Variants in EPHA6 observed in about 807,000 individuals in gnomAD.
EPHA6 encodes EPH receptor A6, also known as ephrin type-A receptor 6.
A neutral mutation model predicts 112.0 loss-of-function variants in EPHA6; 50 were observed. The observed-to-expected ratio is 0.45, with a 90% CI of 0.36 to 0.56. The LOEUF (loss-of-function observed/expected upper bound fraction) is 0.56. Among genes scored for constraint, EPHA6 ranks in the 20% least tolerant of loss-of-function variants. The probability of loss-of-function intolerance (pLI) is 0.00; values close to 1 mark genes in which losing one functional copy is unlikely to be tolerated. For missense variants in EPHA6, 1,280 were observed against 1,417.4 expected, an observed-to-expected ratio of 0.90 and a Z score of 1.56; for synonymous variants, 529 against 490.7, an observed-to-expected ratio of 1.08 and a Z score of -1.03.
Position 97,226,295 on chromosome 3 carries a change from T to C in EPHA6, c.1146T>C (p.Ala382=). The C allele has an allele frequency of 6.2e-7, 1 of 1,611,696 alleles. No homozygotes were observed. The highest frequency in any genetic ancestry group is 2.2e-5 in the East Asian group (1 of 44,840). ...ACRPGFYKAF[A]GNTKCSKCPP... is the part of the protein sequence containing the mutation. ...GACCAGGATTCTATAAAGCTTTTGC[T>C]GGGAACACAAAATGTTCTAAATGTC... The change falls in exon 4 of 18, where the codon GCT becomes GCC. Residue 382 remains alanine, a synonymous_variant. Transcript: ENST00000389672.
At chr3:97,722,849 A>T (rs2034592803) in intron 15 of EPHA6, among the ~76,000 whole-genome samples, 1 of 152,100 alleles carries the variant, frequency 6.6e-6, no homozygotes, top group Non-Finnish European at 1.5e-5. Context: ...GATACAAATA[A>T]ATATAAAAAG....
intron 3 of EPHA6, among the ~76,000 whole-genome samples, chr3:97,034,217 G>A (rs1418098429): frequency 1.3e-5 from 2 of 151,860 alleles, no homozygotes; most frequent in Non-Finnish European, 2.9e-5. Flanking sequence ...TGAAAATATA[G>A]TAATTTTTGG....
chr3:97,191,152 C>T (rs2077295124), intron 3 of EPHA6, among the ~76,000 whole-genome samples: 2 of 151,984 alleles, frequency 1.3e-5, no homozygotes, highest in African/African-American at 2.4e-5. Context: ...GACAAATAAA[C>T]CCTTCAGTGA....
At chr3:97,731,736 A>C (rs1333114853) in intron 15 of EPHA6, among the ~76,000 whole-genome samples, 2 of 152,108 alleles carry the variant, frequency 1.3e-5, no homozygotes, top group Non-Finnish European at 2.9e-5. Context: ...AGAACTTGAC[A>C]CATAATAAAC....
intron 2 of EPHA6, among the ~76,000 whole-genome samples, chr3:96,886,725 G>GT (rs1034841358): frequency 3.3e-5 from 5 of 151,948 alleles, no homozygotes; most frequent in South Asian, 2.1e-4. Context: ...GCTGTTTGCT[G>GT]TTTTTTTGTT....
At chr3:96,913,942 A>G (rs2039358623) in intron 2 of EPHA6, among the ~76,000 whole-genome samples, 1 of 152,168 alleles carries the variant, frequency 6.6e-6, no homozygotes. Context: ...GTGGTATGTG[A>G]CTAATAGATA....
intron 6 of EPHA6, among the ~76,000 whole-genome samples, chr3:97,425,383 C>T (rs1482152234): frequency 1.3e-5 from 2 of 152,226 alleles, no homozygotes; most frequent in African/African-American, 4.8e-5. Context: ...AACCTCTGTG[C>T]ACCTGCAGGC....
At chr3:97,088,279 G>C (rs1037791530) in intron 3 of EPHA6, among the ~76,000 whole-genome samples, 7 of 152,132 alleles carry the variant, frequency 4.6e-5, no homozygotes, top group Non-Finnish European at 5.9e-5. Flanking sequence ...CCCAGGAATT[G>C]AATGGAAGGG....
chr3:97,209,886 G>A (rs544381720), intron 3 of EPHA6, among the ~76,000 whole-genome samples: 7 of 152,252 alleles, frequency 4.6e-5, no homozygotes, highest in East Asian at 3.9e-4. Flanking sequence ...AATTGAATAC[G>A]ATTCAATTCT....
chr3:96,999,306 A>G (rs1234384610), intron 3 of EPHA6, among the ~76,000 whole-genome samples: 1 of 151,936 alleles, frequency 6.6e-6, no homozygotes, highest in African/African-American at 2.4e-5. Context: ...GGCCTAATAA[A>G]TTTCCCAAAG....
At chr3:97,002,685 T>C (rs920211356) in intron 3 of EPHA6, among the ~76,000 whole-genome samples, 17 of 151,960 alleles carry the variant, frequency 1.1e-4, no homozygotes, top group Non-Finnish European at 1.3e-4. Context: ...ATATACTATG[T>C]TCTTGGATAG....
In EPHA6 at chr3:97,637,945, C is replaced by T. The variant is rs1164156624; in HGVS notation, c.2647C>T (p.Leu883Phe). 6.2e-7 allele frequency: 1 copy of T among 1,613,822 alleles called. No individual in the cohort carries two copies. Among genetic ancestry groups the T allele is most frequent in the Non-Finnish European group, 8.5e-7 (1 of 1,179,840 alleles). The change falls in exon 14 of 18, where the codon CTT becomes TTT. Residue 883 changes from leucine to phenylalanine, a missense_variant. Transcript: ENST00000389672. ...AGGCATTGCATCAGGCATGAAGTAT[C>T]TTTCTGATATGGGTTATGTTCATCG... ...LRGIASGMKY[L>F]SDMGYVHRDL...
intron 3 of EPHA6, among the ~76,000 whole-genome samples, chr3:97,090,020 T>C (rs1398421742): frequency 6.6e-6 from 1 of 152,096 alleles, no homozygotes; most frequent in African/African-American, 2.4e-5. Flanking sequence ...TAAGTACTAA[T>C]TATTCTTAAT....
chr3:97,439,201 T>A (rs1469958316), intron 6 of EPHA6, among the ~76,000 whole-genome samples: 5 of 152,148 alleles, frequency 3.3e-5, no homozygotes, highest in Admixed American at 6.6e-5. Flanking sequence ...ATGAATGCAT[T>A]TCAAAGTGAT....
chr3:97,444,128 C>G (rs1318572405), intron 6 of EPHA6, among the ~76,000 whole-genome samples: 1 of 151,998 alleles, frequency 6.6e-6, no homozygotes, highest in Admixed American at 6.6e-5. Flanking sequence ...AATTGTAAAG[C>G]TCTACATAAA....
At chr3:97,419,303 C>A (rs1384384761) in intron 6 of EPHA6, among the ~76,000 whole-genome samples, 1 of 150,320 alleles carries the variant, frequency 6.7e-6, no homozygotes, top group Admixed American at 6.6e-5. Flanking sequence ...AACTCCATCA[C>A]AAAAAACAAA....
intron 3 of EPHA6, among the ~76,000 whole-genome samples, chr3:97,001,768 T>C (rs1408887754): frequency 6.6e-6 from 1 of 151,940 alleles, no homozygotes; most frequent in Non-Finnish European, 1.5e-5. Flanking sequence ...ACAAGGACTA[T>C]CAGCATGAAA....
At chr3:97,516,459 A>C (rs1231920098) in intron 10 of EPHA6, among the ~76,000 whole-genome samples, 1 of 152,198 alleles carries the variant, frequency 6.6e-6, no homozygotes, top group Non-Finnish European at 1.5e-5. Context: ...TTTCATATGT[A>C]GAAGGTATGC....
At chr3:97,697,697 T>TA (rs1195979971) in intron 14 of EPHA6, among the ~76,000 whole-genome samples, 1 of 152,168 alleles carries the variant, frequency 6.6e-6, no homozygotes, top group Non-Finnish European at 1.5e-5. Context: ...GGAGGTGTGT[T>TA]ATCAATTTCT....
Sources: gnomAD v4.1 joint callset for allele counts (sites outside exome capture counted in the v4.1 genomes callset) on GRCh38, gnomAD v4.1.1 for gene constraint, MANE v1.5 for transcripts, NCBI Gene and HGNC (gene_info 2026-07-23, HGNC 2026-07-21) for gene names.